EPHA3: variants seen among roughly 807,000 people sequenced by gnomAD.
EPHA3 encodes the protein ephrin type-A receptor 3.
A neutral mutation model predicts 107.1 loss-of-function variants in EPHA3; 42 were observed. The observed-to-expected ratio is 0.39, with a 90% CI of 0.31 to 0.51. The LOEUF is 0.51. Ranked by LOEUF, EPHA3 falls within the 20% of genes least tolerant of loss-of-function variation. EPHA3 has a pLI of 0.78. For missense variants in EPHA3, 1,183 were observed against 1,211.2 expected (o/e 0.98, Z 0.35); for synonymous variants, 461 against 424.8 (o/e 1.09, Z -1.05).
intron 2 of EPHA3, among the ~76,000 whole-genome samples, chr3:89,174,054 A>C (rs1705265174): frequency 6.6e-6 from 1 of 152,028 alleles, no homozygotes; most frequent in Non-Finnish European, 1.5e-5. Flanking sequence ...CGGCTTTTAC[A>C]GAGAAGAAAC....
rs117730638 is a variant in EPHA3, at chr3:89,387,052, G to A, written c.1307-8785G>A. On this transcript the variant is annotated intron_variant, in intron 5 of 16. Coordinates refer to ENST00000336596, the MANE Select transcript of EPHA3 (RefSeq NM_005233.6). ...GGCAGAAAGGACTTGACTTGTCTCA[G>A]ATGAGACTTTGGATTTGAATTTTTG... 3.3e-5 allele frequency among the ~76,000 whole-genome samples: 5 copies of A among 152,294 alleles called. No homozygotes were observed. The East Asian group carries it at 9.6e-4, about 29-fold the overall frequency.
chr3:89,397,960 C>T (rs1708884349), intron 6 of EPHA3, among the ~76,000 whole-genome samples: 1 of 152,148 alleles, frequency 6.6e-6, no homozygotes, highest in African/African-American at 2.4e-5. Flanking sequence ...TTTTTTGATA[C>T]ATACATACCT....
At chr3:89,286,232 G>A (rs754139529) in intron 3 of EPHA3, among the ~76,000 whole-genome samples, 9 of 151,028 alleles carry the variant, frequency 6.0e-5, no homozygotes, top group Middle Eastern at 3.2e-3. Context: ...CTGGTGCTAC[G>A]TGAAGTAGGG....
chr3:89,395,972 A>G lies in EPHA3; in HGVS notation c.1431+11A>G. 1 of 1,613,558 alleles carries G rather than the reference A, an allele frequency of 6.2e-7. No individual in the cohort carries two copies. Reference sequence around the variant, plus strand: ...AAATACTATGAAAAGGTGGGGAAACAATGTTTAAGGGTTGGGCTGTGTAGG... The same window carrying G: ...AAATACTATGAAAAGGTGGGGAAACGATGTTTAAGGGTTGGGCTGTGTAGG... On this transcript the variant is annotated intron_variant, in intron 6 of 16. Coordinates refer to ENST00000336596, the MANE Select transcript of EPHA3 (RefSeq NM_005233.6).
chr3:89,154,510 A>G (rs985414340), intron 2 of EPHA3, among the ~76,000 whole-genome samples: 2 of 151,928 alleles, frequency 1.3e-5, no homozygotes, highest in Non-Finnish European at 2.9e-5. Flanking sequence ...AATTTCAAAA[A>G]TACTGATTTT....
chr3:89,295,610 C>A (rs984272839), intron 3 of EPHA3, among the ~76,000 whole-genome samples: 7 of 152,004 alleles, frequency 4.6e-5, no homozygotes, highest in African/African-American at 1.2e-4. Context: ...TATTTTGAGA[C>A]AGACTCTCTC....
intron 1 of EPHA3, among the ~76,000 whole-genome samples, chr3:89,116,337 T>G (rs1430061172): frequency 2.0e-5 from 3 of 152,088 alleles, no homozygotes; most frequent in Non-Finnish European, 4.4e-5. Context: ...ATCTTAAAGG[T>G]CAGTAATAGG....
chr3:89,444,601 C>T (rs1216429603), intron 13 of EPHA3, among the ~76,000 whole-genome samples: 5 of 151,850 alleles, frequency 3.3e-5, no homozygotes, highest in African/African-American at 7.3e-5. Context: ...GTTATATTGA[C>T]AGTAAATGTA....
chr3:89,277,056 A>G (rs902651063), intron 3 of EPHA3, among the ~76,000 whole-genome samples: 12 of 152,158 alleles, frequency 7.9e-5, no homozygotes, highest in Admixed American at 7.9e-4. Context: ...AGCTAAATGC[A>G]TATGGACTAG....
rs1710593995 is a variant in EPHA3 at position 89,480,056 on chromosome 3, T to G, written c.*554T>G. On this transcript the variant is annotated 3_prime_UTR_variant, in exon 17 of 17. Transcript: ENST00000336596. ...ATAGAGATGAAGTTTGTAGTTGTTT[T>G]AAGTACTACACATTTTTAAATTGTT... 4.3e-6 allele frequency: 1 copy of G among 232,842 alleles called. No individual in the cohort carries two copies. The highest frequency in any genetic ancestry group is 5.6e-5 in the Admixed American group (1 of 17,772). 14.4% of individuals were successfully genotyped at this position (232,842 alleles called of 1,614,324 possible).
In EPHA3 at chr3:89,359,828, T is replaced by TACACAC. The variant is rs779168397; in HGVS notation, c.1306+17739_1306+17740insCACACA. 4.5e-5 allele frequency among the ~76,000 whole-genome samples: 6 copies of TACACAC among 134,040 alleles called. No homozygotes were observed. In the East Asian group the frequency reaches 6.0e-4, roughly 13 times the overall value. The allele number at this position is 134,040 out of a possible 152,430, so 87.9% of individuals were successfully genotyped here. A position where few individuals can be genotyped will look rare whatever the true frequency, so the allele number is the denominator to read the frequency against. On this transcript the variant is annotated intron_variant, in intron 5 of 16. Coordinates refer to ENST00000336596, the MANE Select transcript of EPHA3 (RefSeq NM_005233.6). ...ATATATATACATATATATACATATA[T>TACACAC]ATATACATATATATATATGCATATC...
chr3:89,154,509 A>T (rs1246439539), intron 2 of EPHA3, among the ~76,000 whole-genome samples: 5 of 151,858 alleles, frequency 3.3e-5, no homozygotes, highest in African/African-American at 1.2e-4. Flanking sequence ...TAATTTCAAA[A>T]ATACTGATTT....
intron 2 of EPHA3, among the ~76,000 whole-genome samples, chr3:89,148,920 AT>A (rs1313406704): frequency 2.0e-5 from 3 of 152,064 alleles, no homozygotes; most frequent in African/African-American, 7.2e-5. Context: ...TTATTATTTC[AT>A]TGGAGTCATA....
intron 3 of EPHA3, among the ~76,000 whole-genome samples, chr3:89,278,314 G>A (rs142849944): frequency 3.5e-4 from 54 of 152,310 alleles, no homozygotes; most frequent in African/African-American, 1.2e-3. Flanking sequence ...GCTAGAAGCA[G>A]GTCTCTGCCC....
At chr3:89,288,994 C>T (rs906560366) in intron 3 of EPHA3, among the ~76,000 whole-genome samples, 1 of 152,100 alleles carries the variant, frequency 6.6e-6, no homozygotes, top group African/African-American at 2.4e-5. Flanking sequence ...ATCGTAACAG[C>T]TTATATTAAC....
intron 2 of EPHA3, among the ~76,000 whole-genome samples, chr3:89,196,852 A>T (rs892349236): frequency 1.2e-4 from 18 of 152,096 alleles, no homozygotes; most frequent in Non-Finnish European, 2.4e-4. Context: ...TCCCACATCA[A>T]ATCTATAAAA....
At position 89,391,382 on chromosome 3, in the gene EPHA3, TTTTTCTTTTC is replaced by T. The variant is rs58910915; in HGVS notation, c.1307-4431_1307-4422del. 1.5e-3 allele frequency among the ~76,000 whole-genome samples: 204 copies of T among 138,420 alleles called. 4 individuals are homozygous for T. Among genetic ancestry groups the T allele is most frequent in the Middle Eastern group, 7.6e-3 (2 of 264 alleles). The allele number at this position is 138,420 out of a possible 152,430, so 90.8% of individuals were successfully genotyped here. ...TATTTTTTTCTCCTTTATTTGTATT[TTTTTCTTTTC>T]TTTTCTTTTCTTTTCTTTTCTTTCT... On this transcript the variant is annotated intron_variant, in intron 5 of 16. Transcript: ENST00000336596.
chr3:89,443,277 G>A (rs970706074), intron 13 of EPHA3, among the ~76,000 whole-genome samples: 1 of 151,968 alleles, frequency 6.6e-6, no homozygotes, highest in Non-Finnish European at 1.5e-5. Flanking sequence ...AGCATTCTAC[G>A]AACTCTAAAA....
intron 9 of EPHA3, among the ~76,000 whole-genome samples, chr3:89,412,403 G>A (rs1215758758): frequency 4.0e-5 from 6 of 151,312 alleles, no homozygotes; most frequent in Non-Finnish European, 5.9e-5. Flanking sequence ...TAGCTCCTTA[G>A]CGCCATTATT....
Sources: allele counts gnomAD v4.1 joint callset (sites outside exome capture counted in the v4.1 genomes callset), GRCh38; gene constraint gnomAD v4.1.1; transcripts MANE v1.5; gene names NCBI Gene and HGNC (gene_info 2026-07-23, HGNC 2026-07-21).